The following MAST2 variants were observed in gnomAD, a reference collection of about 807,000 sequenced individuals.
The protein encoded by MAST2 is microtubule associated serine/threonine kinase 2.
Under a neutral mutation model 147.4 loss-of-function variants are expected in MAST2, and 70 were observed. The observed-to-expected ratio is 0.47, with a 90% CI of 0.39 to 0.58. The LOEUF (loss-of-function observed/expected upper bound fraction) is 0.58, where lower values mean the gene tolerates loss of function less well. MAST2 is among the 20% of genes least tolerant of loss of function. The pLI is 0.00. For missense variants in MAST2, 2,080 were observed against 2,302.3 expected (o/e 0.90, Z 1.98); for synonymous variants, 869 against 896.8 (o/e 0.97, Z 0.55).
rs918716000 is a variant in MAST2, at chr1:46,032,137, A to G, written c.3188-41A>G. The G allele has an allele frequency of 5.3e-6, 8 of 1,514,604 alleles. No homozygotes were observed. In the African/African-American group the frequency reaches 1.1e-4, roughly 21 times the overall value. The allele number at this position is 1,514,604 out of a possible 1,614,324, so 93.8% of individuals were successfully genotyped here. A position where few individuals can be genotyped will look rare whatever the true frequency, so the allele number is the denominator to read the frequency against. On this transcript the variant is annotated intron_variant, in intron 24 of 28. Coordinates refer to ENST00000361297, the MANE Select transcript of MAST2 (RefSeq NM_015112.3). ...ACAGACTGGACCAGGGGCCAGGCCA[A>G]AGCCCTCTGACCCACTAAGTCCTGG...
chr1:45,836,981 A>G (rs947808890), intron 3 of MAST2, among the ~76,000 whole-genome samples: 7 of 152,132 alleles, frequency 4.6e-5, no homozygotes, highest in Non-Finnish European at 5.9e-5. Flanking sequence ...GGAGCGTGCA[A>G]CCTAGATCCC....
chr1:45,963,923 G>A (rs1205551984), intron 5 of MAST2, among the ~76,000 whole-genome samples: 2 of 152,102 alleles, frequency 1.3e-5, no homozygotes, highest in Non-Finnish European at 2.9e-5. Flanking sequence ...TTTTTAGCAT[G>A]AAGTGCTGTT....
intron 10 of MAST2, among the ~76,000 whole-genome samples, chr1:46,016,291 G>C (rs1240895650): frequency 4.0e-5 from 6 of 148,574 alleles, no homozygotes; most frequent in South Asian, 2.2e-4. Context: ...TGCCCTCTCT[G>C]ACCACTCCTA....
chr1:45,991,905 T>G (rs1015808449), intron 5 of MAST2, among the ~76,000 whole-genome samples: 1 of 152,120 alleles, frequency 6.6e-6, no homozygotes, highest in Non-Finnish European at 1.5e-5. Context: ...ATTTATGTAT[T>G]TTTTTTAGAA....
In MAST2 at chr1:46,034,128, A is replaced by G; in HGVS notation, c.3730A>G (p.Thr1244Ala). 1 of 1,613,658 alleles carries G rather than the reference A, an allele frequency of 6.2e-7. No homozygotes were observed. Among genetic ancestry groups the G allele is most frequent in the South Asian group, 1.1e-5 (1 of 91,076 alleles). The change falls in exon 28 of 29, where the codon ACC (threonine) becomes GCC (alanine). Residue 1244 changes from threonine (T) to alanine (A), a missense_variant. By Grantham distance (58) the Thr-to-Ala change is moderately conservative. Transcript: ENST00000361297. ...CACCAAGCAAGCATCCCTGCTCCAC[A>G]CCAGCCGCAGCCTTTCTTCCCTTAA... Reference protein sequence around the residue: ...KITKQASLLHTSRSLSSLNRS... With the variant: ...KITKQASLLHASRSLSSLNRS...
At chr1:45,867,072 T>A (rs1430735444) in intron 3 of MAST2, among the ~76,000 whole-genome samples, 1 of 152,166 alleles carries the variant, frequency 6.6e-6, no homozygotes, top group Non-Finnish European at 1.5e-5. Flanking sequence ...TTTTAAAAAA[T>A]AAACTTTAAG....
At chr1:45,938,545 T>G (rs905412418) in intron 4 of MAST2, among the ~76,000 whole-genome samples, 1 of 152,188 alleles carries the variant, frequency 6.6e-6, no homozygotes, top group African/African-American at 2.4e-5. Context: ...TACACTGGTC[T>G]TGAACTCCTG....
At chr1:45,860,022 A>G (rs1645922271) in intron 3 of MAST2, among the ~76,000 whole-genome samples, 1 of 152,074 alleles carries the variant, frequency 6.6e-6, no homozygotes, top group Admixed American at 6.6e-5. Flanking sequence ...CTCCAGTTGT[A>G]AAATAGGGGA....
chr1:46,031,179 C>G lies in MAST2; in HGVS notation c.2881C>G (p.Leu961Val). The change falls in exon 23 of 29, where the codon CTG (leucine) becomes GTG (valine). Residue 961 changes from leucine to valine, a missense_variant. Leu to Val is a conservative substitution (Grantham distance 32). Around this residue, in one of 4 missense-constraint regions of MAST2, gnomAD observed 1,278 missense variants for 1,304.2 expected, o/e 0.98. Coordinates refer to ENST00000361297, the MANE Select transcript of MAST2 (RefSeq NM_015112.3). This position sits in a 1 kb window ranked among gnomAD's most constrained non-coding sequence, Gnocchi z 4.1. The stretch of plus-strand genomic sequence containing the variant: ...GCAACCACAGGAGGGTATATGGGTC[C>G]TGACACCCCCATCTGGAGAGGGGGT... ...RRQPQEGIWV[L>V]TPPSGEGVSG... 1.9e-6 allele frequency: 3 copies of G among 1,586,386 alleles called. No homozygotes were observed. Among genetic ancestry groups the G allele is most frequent in the Non-Finnish European group, 2.6e-6 (3 of 1,162,046 alleles).
intron 4 of MAST2, among the ~76,000 whole-genome samples, chr1:45,948,330 C>T (rs1658391866): frequency 6.6e-6 from 1 of 152,142 alleles, no homozygotes; most frequent in Non-Finnish European, 1.5e-5. Context: ...ATCATATTGC[C>T]TGAAGCAATT....
intron 4 of MAST2, among the ~76,000 whole-genome samples, chr1:45,932,070 C>G (rs1655405545): frequency 6.6e-6 from 1 of 152,180 alleles, no homozygotes; most frequent in Non-Finnish European, 1.5e-5. Flanking sequence ...TAACCTTGAT[C>G]ACTTTATTAA....
At chr1:45,948,483 G>A (rs934608925) in intron 4 of MAST2, among the ~76,000 whole-genome samples, 21 of 152,018 alleles carry the variant, frequency 1.4e-4, no homozygotes, top group African/African-American at 4.8e-4. Context: ...CAAGGCGGGT[G>A]GATCATGAGG....
intron 3 of MAST2, among the ~76,000 whole-genome samples, chr1:45,863,406 T>C (rs1646043322): frequency 6.6e-6 from 1 of 152,224 alleles, no homozygotes; most frequent in Non-Finnish European, 1.5e-5. Context: ...CGTTAGTTAT[T>C]CAAAGCAGCA....
At position 45,959,461 on chromosome 1, in the gene MAST2, A is replaced by G; in HGVS notation, c.576A>G (p.Pro192=). The change falls in exon 5 of 29, where the codon CCA becomes CCG. Residue 192 remains proline (P), a synonymous_variant. Coordinates refer to ENST00000361297, the MANE Select transcript of MAST2 (RefSeq NM_015112.3). The part of the protein sequence containing the change: ...TSPTLPRPHS[P]LHGHTGNSPL... ...CTACACTACCACGGCCACACTCACC[A>G]CTCCATGGCCACACAGGTGAGTGCT... 6.2e-7 allele frequency: 1 copy of G among 1,613,424 alleles called. No individual in the cohort carries two copies. Among genetic ancestry groups the G allele is most frequent in the Non-Finnish European group, 8.5e-7 (1 of 1,179,680 alleles).
At chr1:45,881,606 CT>C (rs1417367785) in intron 3 of MAST2, among the ~76,000 whole-genome samples, 1 of 152,124 alleles carries the variant, frequency 6.6e-6, no homozygotes, top group South Asian at 2.1e-4. Context: ...GAAGTCATCT[CT>C]TTGTTATATT....
intron 10 of MAST2, among the ~76,000 whole-genome samples, chr1:46,016,402 C>T (rs1645942043): frequency 6.6e-6 from 1 of 151,990 alleles, no homozygotes; most frequent in Non-Finnish European, 1.5e-5. Context: ...TCCCTGTTTC[C>T]AGATGACATG....
intron 4 of MAST2, among the ~76,000 whole-genome samples, chr1:45,909,084 G>T (rs921665788): frequency 6.6e-6 from 1 of 152,144 alleles, no homozygotes; most frequent in Middle Eastern, 3.4e-3. Flanking sequence ...GACAAAGCGT[G>T]TACTTTTTAC....
chr1:45,849,829 ATTTTC>A (rs1233730030), intron 3 of MAST2, among the ~76,000 whole-genome samples: 1 of 151,830 alleles, frequency 6.6e-6, no homozygotes, highest in African/African-American at 2.4e-5. Context: ...CCCCGCCCAT[ATTTTC>A]TTTATCTAGT....
intron 4 of MAST2, among the ~76,000 whole-genome samples, chr1:45,937,411 G>A (rs1313728605): frequency 6.6e-6 from 1 of 151,044 alleles, no homozygotes; most frequent in Non-Finnish European, 1.5e-5. Flanking sequence ...GACTACAGGA[G>A]TGTGCCACCA....
Sources: allele counts gnomAD v4.1 joint callset (sites outside exome capture counted in the v4.1 genomes callset), GRCh38; gene constraint gnomAD v4.1.1; regional missense constraint gnomAD v4.1.1; non-coding constraint Gnocchi (gnomAD v3.1); transcripts MANE v1.5; gene names NCBI Gene and HGNC (gene_info 2026-07-23, HGNC 2026-07-21).